Variants in POFUT1 observed in about 807,000 individuals in gnomAD.
The protein encoded by POFUT1 is protein O-fucosyltransferase 1, also known as GDP-fucose protein O-fucosyltransferase 1.
POFUT1 carries 16 observed loss-of-function variants against 42.4 expected under a neutral mutation model. The ratio of observed to expected loss-of-function variants is 0.38; its 90% CI spans 0.26 to 0.57. POFUT1 has a LOEUF of 0.57. Ranked by LOEUF, POFUT1 falls within the 20% of genes least tolerant of loss-of-function variation. The probability of loss-of-function intolerance (pLI) is 0.71; values close to 1 mark genes in which losing one functional copy is unlikely to be tolerated. For synonymous variants in POFUT1, 206 were observed against 205.4 expected (o/e 1.00, Z -0.03); for missense variants, 470 against 504.6 (o/e 0.93, Z 0.66).
At chr20:32,218,170 C>T (rs1351638056) in intron 4 of POFUT1, among the ~76,000 whole-genome samples, 1 of 152,138 alleles carries the variant, frequency 6.6e-6, no homozygotes, top group Non-Finnish European at 1.5e-5. Context: ...ATGGGTCTTG[C>T]TTGTCTCCCA....
At position 32,215,264 on chromosome 20, in the gene POFUT1, T is replaced by G. The variant is rs752223494; in HGVS notation, c.247-5T>G. 1 of 1,604,880 alleles carries G rather than the reference T, an allele frequency of 6.2e-7. No individual in the cohort carries two copies. The highest frequency in any genetic ancestry group is 8.5e-7 in the Non-Finnish European group (1 of 1,172,310). On this transcript the variant is annotated splice_region_variant and splice_polypyrimidine_tract_variant and intron_variant, in intron 2 of 6. Coordinates refer to ENST00000375749, the MANE Select transcript of POFUT1 (RefSeq NM_015352.2). ...ACGGGACCTCTGCTCCTCCTTTTCC[T>G]GTAGCTCCATGTGTCCTACCAGAAG...
At chr20:32,230,729 G>A (rs1600394307) in intron 5 of POFUT1, 90 bp from the exon 6 acceptor site, 3 of 1,428,864 alleles carry the variant, frequency 2.1e-6, no homozygotes, top group East Asian at 4.6e-5. Flanking sequence ...GGTTCTTCCT[G>A]TATAGCCTGT....
At chr20:32,213,835 A>C (rs1288469437) in intron 2 of POFUT1, among the ~76,000 whole-genome samples, 3 of 152,212 alleles carry the variant, frequency 2.0e-5, no homozygotes, top group Non-Finnish European at 4.4e-5. Flanking sequence ...TAGAAGTGAT[A>C]ATTGTTAACA....
rs373690029 is a variant in POFUT1, at chr20:32,216,994, A to G, written c.542+273A>G. The G allele has an allele frequency of 3.8e-5, 61 of 1,612,840 alleles. No homozygotes were observed. In the African/African-American group the frequency reaches 7.5e-4, roughly 20 times the overall value. ...ACATTCTGCAGTCGCATGAGTCTCA[A>G]TTTCCTCCTCTAGGCGTGAGAATCA... On this transcript the variant is annotated intron_variant, in intron 4 of 6. Coordinates refer to ENST00000375749, the MANE Select transcript of POFUT1 (RefSeq NM_015352.2).
At position 32,234,655 on chromosome 20, in the gene POFUT1, G is replaced by A; in HGVS notation, c.1161G>A (p.Glu387=). The part of the protein sequence containing the change: ...GMDRPPKLRD[E]F ...ACAGGCCCCCTAAGCTGCGGGACGA[G>A]TTCTGATTCTGGCCGGAGCACCAGA... The change falls in exon 7 of 7, where the codon GAG becomes GAA. Residue 387 remains glutamate (E), a synonymous_variant. Coordinates refer to ENST00000375749, the MANE Select transcript of POFUT1 (RefSeq NM_015352.2). 6.2e-7 allele frequency: 1 copy of A among 1,605,676 alleles called. No homozygotes were observed. The highest frequency in any genetic ancestry group is 8.5e-7 in the Non-Finnish European group (1 of 1,175,216).
In POFUT1 at chr20:32,217,048, T is replaced by C. The variant is rs200556178; in HGVS notation, c.542+327T>C. Reference sequence around the variant, plus strand: ...CTGTGTTACCTTACTCTTCCCAAGGTGAAACTGGAAGCAGCTTCTAGAGAA... The same window carrying C: ...CTGTGTTACCTTACTCTTCCCAAGGCGAAACTGGAAGCAGCTTCTAGAGAA... On this transcript the variant is annotated intron_variant, in intron 4 of 6. Coordinates refer to ENST00000375749, the MANE Select transcript of POFUT1 (RefSeq NM_015352.2). The C allele has an allele frequency of 1.9e-5, 31 of 1,613,806 alleles. No homozygotes were observed. The African/African-American group carries it at 3.9e-4, about 20-fold the overall frequency.
Position 32,237,551 on chromosome 20 carries a change from C to A in POFUT1, c.*2890C>A. ...AGGCCAGCATGGCTGGAGAGGCAGG[C>A]ATAGGCAGGGAACCGAGCAGCAGGT... On this transcript the variant is annotated 3_prime_UTR_variant, in exon 7 of 7. Transcript: ENST00000375749. The A allele has an allele frequency of 4.2e-6, 1 of 240,082 alleles. No individual in the cohort carries two copies. Among genetic ancestry groups the A allele is most frequent in the Non-Finnish European group, 8.7e-6 (1 of 114,454 alleles). The allele number at this position is 240,082 out of a possible 1,614,324, so 14.9% of individuals were successfully genotyped here.
intron 2 of POFUT1, among the ~76,000 whole-genome samples, chr20:32,211,631 G>A (rs954269243): frequency 6.6e-6 from 1 of 152,150 alleles, no homozygotes; most frequent in Non-Finnish European, 1.5e-5. Flanking sequence ...GCTTGCCTCT[G>A]TCTCCTTGCC....
intron 4 of POFUT1, chr20:32,216,934 G>A: frequency 6.3e-7 from 1 of 1,595,114 alleles, no homozygotes; most frequent in Admixed American, 1.7e-5. Flanking sequence ...GATTGAGAAA[G>A]AGTTCATCGG....
At position 32,235,490 on chromosome 20, in the gene POFUT1, G is replaced by C. The variant is rs566661630; in HGVS notation, c.*829G>C. The C allele has an allele frequency of 6.6e-6, 1 of 152,364 alleles. No homozygotes were observed. The highest frequency in any genetic ancestry group is 6.5e-5 in the Admixed American group (1 of 15,304). The allele number at this position is 152,364 out of a possible 1,614,324, so 9.4% of individuals were successfully genotyped here. On this transcript the variant is annotated 3_prime_UTR_variant, in exon 7 of 7. Transcript: ENST00000375749. The stretch of plus-strand genomic sequence containing the variant: ...CTCTTGCCCCAGTGGGGCCTGGTTG[G>C]TAGAATGTTGGCATTCGGTTGATAT...
chr20:32,216,306 T>C (rs1230754928), intron 3 of POFUT1, among the ~76,000 whole-genome samples: 1 of 152,156 alleles, frequency 6.6e-6, no homozygotes. Context: ...CTCTTGAAGC[T>C]CTAGTCCTTG....
intron 2 of POFUT1, 121 bp downstream of exon 2, chr20:32,210,313 C>G: frequency 2.1e-6 from 2 of 966,946 alleles, no homozygotes; most frequent in South Asian, 2.8e-5. Context: ...CTACCTCCAG[C>G]CAGAACTGTC....
chr20:32,213,900 A>G (rs1401590891), intron 2 of POFUT1, among the ~76,000 whole-genome samples: 1 of 152,206 alleles, frequency 6.6e-6, no homozygotes, highest in Non-Finnish European at 1.5e-5. Flanking sequence ...ATAAAGCGTT[A>G]CAGATAAAGT....
intron 4 of POFUT1, among the ~76,000 whole-genome samples, chr20:32,225,212 C>T (rs193266856): frequency 2.0e-5 from 3 of 151,918 alleles, no homozygotes; most frequent in Non-Finnish European, 2.9e-5. Flanking sequence ...TTTTTTGAGA[C>T]GGAGTCTTGC....
chr20:32,224,162 CG>C (rs1313837299), intron 4 of POFUT1, among the ~76,000 whole-genome samples: 3 of 152,050 alleles, frequency 2.0e-5, no homozygotes, highest in African/African-American at 7.2e-5. Flanking sequence ...GAGGCTGAGG[CG>C]GGCGGATCTT....
chr20:32,235,846 C>T lies in POFUT1; in HGVS notation c.*1185C>T, dbSNP rs2047467421. On this transcript the variant is annotated 3_prime_UTR_variant, in exon 7 of 7. Transcript: ENST00000375749. ...TGTAGATCTTTTCCTTGCCATGTCA[C>T]CTCCCTTGGCCTTTGATCCTGGAAA... 2 of 152,240 alleles carry T rather than the reference C, an allele frequency of 1.3e-5. No homozygotes were observed. Among genetic ancestry groups the T allele is most frequent in the African/African-American group, 2.4e-5 (1 of 41,456 alleles). The allele number at this position is 152,240 out of a possible 1,614,324, so 9.4% of individuals were successfully genotyped here.
At chr20:32,222,563 CTG>C (rs1170975584) in intron 4 of POFUT1, 1 of 978,930 alleles carries the variant, frequency 1.0e-6, no homozygotes, top group East Asian at 1.1e-4. Context: ...TTAGAAATGT[CTG>C]TCTTTCTTTT....
Position 32,231,122 on chromosome 20 carries a change from C to G in POFUT1, c.978+61C>G. On this transcript the variant is annotated intron_variant, in intron 6 of 6. Coordinates refer to ENST00000375749, the MANE Select transcript of POFUT1 (RefSeq NM_015352.2). ...GAATGAAAGGAGGAGCCAGGATGGT[C>G]CCACTGCCCACTGCATGCTTCACGG... The G allele has an allele frequency of 1.9e-6, 3 of 1,560,128 alleles. No homozygotes were observed. In the South Asian group the frequency reaches 3.4e-5, roughly 18 times the overall value.
rs2047485299 is a variant in POFUT1 at position 32,238,576 on chromosome 20, A to G, written c.*3915A>G. 1.3e-5 allele frequency: 2 copies of G among 152,222 alleles called. No individual in the cohort carries two copies. The highest frequency in any genetic ancestry group is 2.9e-5 in the Non-Finnish European group (2 of 68,040). The allele number at this position is 152,222 out of a possible 1,614,324, so 9.4% of individuals were successfully genotyped here. ...CAGAAGTGAATTTGTTAGATCAAAC[A>G]CTTAAAACTTTTTGTTATGGAAGAA... On this transcript the variant is annotated 3_prime_UTR_variant, in exon 7 of 7. Coordinates refer to ENST00000375749, the MANE Select transcript of POFUT1 (RefSeq NM_015352.2).
Sources: allele counts gnomAD v4.1 joint callset (sites outside exome capture counted in the v4.1 genomes callset), GRCh38; gene constraint gnomAD v4.1.1; transcripts MANE v1.5; gene names NCBI Gene and HGNC (gene_info 2026-07-23, HGNC 2026-07-21).